SNX24: variants seen among roughly 807,000 people sequenced by gnomAD.
SNX24 encodes the protein sorting nexin 24.
A neutral mutation model predicts 28.7 loss-of-function variants in SNX24; 22 were observed. The observed-to-expected ratio is 0.77, with a 90% CI of 0.55 to 1.10. The LOEUF (loss-of-function observed/expected upper bound fraction) is 1.10, where lower values mean the gene tolerates loss of function less well. Ranked by LOEUF, SNX24 falls within the 50% of genes least tolerant of loss-of-function variation. The pLI is 0.00. For synonymous variants in SNX24, 69 were observed against 71.5 expected (o/e 0.96, Z 0.18); for missense variants, 221 against 201.1 (o/e 1.10, Z -0.60).
At chr5:122,947,074 T>C (rs997620028) in intron 3 of SNX24, among the ~76,000 whole-genome samples, 5 of 152,312 alleles carry the variant, frequency 3.3e-5, no homozygotes, top group African/African-American at 1.2e-4. Flanking sequence ...CAGGGGAATC[T>C]TGGCTCTTAA....
intron 3 of SNX24, among the ~76,000 whole-genome samples, chr5:122,953,050 A>ATTTC (rs747289943): frequency 1.0e-4 from 6 of 58,638 alleles, no homozygotes; most frequent in African/African-American, 3.4e-4. Context: ...AATATAAGCG[A>ATTTC]TTTCTTTCTT....
intron 5 of SNX24, chr5:123,029,068 T>A: frequency 1.2e-6 from 1 of 846,212 alleles, no homozygotes; most frequent in Non-Finnish European, 1.8e-6. Flanking sequence ...AGAGTATTAA[T>A]GTGAATAAGT....
chr5:122,969,462 T>C (rs893755153), intron 3 of SNX24, among the ~76,000 whole-genome samples: 2 of 152,222 alleles, frequency 1.3e-5, no homozygotes, highest in African/African-American at 4.8e-5. Context: ...ACTTTACTTT[T>C]TCCACAGAGG....
intron 6 of SNX24, among the ~76,000 whole-genome samples, chr5:123,004,401 T>C (rs983100854): frequency 6.6e-6 from 1 of 152,222 alleles, no homozygotes; most frequent in African/African-American, 2.4e-5. Context: ...TCATGGACTT[T>C]AGACATGTTG....
At chr5:123,003,162 C>T (rs957434602) in intron 6 of SNX24, among the ~76,000 whole-genome samples, 1 of 152,214 alleles carries the variant, frequency 6.6e-6, no homozygotes, top group Non-Finnish European at 1.5e-5. Context: ...CACGTACTCA[C>T]ATCACCCACT....
At chr5:122,930,678 TTTCATCA>T (rs1758912497) in intron 1 of SNX24, among the ~76,000 whole-genome samples, 1 of 152,244 alleles carries the variant, frequency 6.6e-6, no homozygotes, top group Admixed American at 6.5e-5. Context: ...TTTTTTGTTC[TTTCATCA>T]GGGATTCTTC....
At chr5:122,955,483 A>G (rs888228086) in intron 3 of SNX24, among the ~76,000 whole-genome samples, 5 of 152,196 alleles carry the variant, frequency 3.3e-5, no homozygotes, top group African/African-American at 9.7e-5. Flanking sequence ...TTTTATAATT[A>G]TGAGACTCTG....
At chr5:122,893,305 T>G (rs1387505087) in intron 1 of SNX24, among the ~76,000 whole-genome samples, 1 of 151,968 alleles carries the variant, frequency 6.6e-6, no homozygotes. Context: ...TTGATGACCA[T>G]TTCTTATGTT....
downstream of SNX24, chr5:123,009,208 T>G (rs967391018): frequency 1.0e-6 from 1 of 984,802 alleles, no homozygotes; most frequent in African/African-American, 1.7e-5. Context: ...CAAGGAAACA[T>G]TTGAGTTTGT....
intron 3 of SNX24, among the ~76,000 whole-genome samples, chr5:122,951,304 A>C (rs899008768): frequency 1.3e-5 from 2 of 151,232 alleles, no homozygotes; most frequent in African/African-American, 4.8e-5. Context: ...GAAAATTTAA[A>C]GTCATAAATC....
chr5:122,956,160 A>G (rs1405116833), intron 3 of SNX24, among the ~76,000 whole-genome samples: 2 of 151,968 alleles, frequency 1.3e-5, no homozygotes, highest in African/African-American at 4.8e-5. Flanking sequence ...GATAAAATTC[A>G]TCACTGTGTA....
chr5:122,868,200 A>G (rs568744625), intron 1 of SNX24, among the ~76,000 whole-genome samples: 4 of 152,138 alleles, frequency 2.6e-5, no homozygotes, highest in Admixed American at 1.3e-4. Context: ...CATGTGGGCT[A>G]CCTCTTCCTG....
intron 1 of SNX24, among the ~76,000 whole-genome samples, chr5:122,880,532 CA>C (rs1756431783): frequency 2.6e-5 from 4 of 152,154 alleles, no homozygotes. Context: ...TGCTTATGTC[CA>C]GCTCAACCCT....
intron 1 of SNX24, among the ~76,000 whole-genome samples, chr5:122,918,092 A>T (rs1457690014): frequency 2.6e-5 from 4 of 152,030 alleles, no homozygotes; most frequent in African/African-American, 9.7e-5. Flanking sequence ...AAATAATAAT[A>T]AACAAATAAA....
At chr5:122,979,067 G>C (rs1190439619) in intron 3 of SNX24, among the ~76,000 whole-genome samples, 1 of 128,602 alleles carries the variant, frequency 7.8e-6, no homozygotes, top group Non-Finnish European at 1.7e-5. Context: ...TTTTCTGAAA[G>C]AGCTACGTCT....
At chr5:122,865,918 TCTTG>T (rs1444089761) in intron 1 of SNX24, among the ~76,000 whole-genome samples, 3 of 152,368 alleles carry the variant, frequency 2.0e-5, no homozygotes, top group East Asian at 3.9e-4. Context: ...TGTTTACTCT[TCTTG>T]ATATCTGATG....
chr5:122,898,424 A>G (rs547436662), intron 1 of SNX24, among the ~76,000 whole-genome samples: 2 of 152,338 alleles, frequency 1.3e-5, no homozygotes, highest in East Asian at 3.9e-4. Context: ...CTTAAAGTAA[A>G]AACCCTTTCC....
intron 1 of SNX24, among the ~76,000 whole-genome samples, chr5:122,860,189 A>G (rs1466073691): frequency 6.6e-6 from 1 of 152,170 alleles, no homozygotes; most frequent in African/African-American, 2.4e-5. Context: ...AGGGTAAAAT[A>G]TTTTGATGTT....
At chr5:122,997,607 A>G (rs184013591) in intron 3 of SNX24, among the ~76,000 whole-genome samples, 2 of 152,284 alleles carry the variant, frequency 1.3e-5, no homozygotes, top group East Asian at 1.9e-4. Flanking sequence ...AATTCCCTAA[A>G]TCTTGCATTA....
Sources: allele counts gnomAD v4.1 joint callset (sites outside exome capture counted in the v4.1 genomes callset), GRCh38; gene constraint gnomAD v4.1.1; transcripts MANE v1.5; gene names NCBI Gene and HGNC (gene_info 2026-07-23, HGNC 2026-07-21).